The following ARHGAP6 variants were observed in gnomAD, a reference collection of about 807,000 sequenced individuals.
The protein encoded by ARHGAP6 is Rho GTPase activating protein 6.
ARHGAP6 carries 16 observed loss-of-function variants against 55.7 expected under a neutral mutation model. That is an observed-to-expected ratio of 0.29 (90% confidence interval 0.19 to 0.44). ARHGAP6 has a LOEUF of 0.44. Ranked by LOEUF, ARHGAP6 falls within the 20% of genes least tolerant of loss-of-function variation. The pLI is 1.00. For missense variants in ARHGAP6, 698 were observed against 808.9 expected (o/e 0.86, Z 1.66); for synonymous variants, 382 against 360.9 (o/e 1.06, Z -0.66).
At chrX:11,655,012 C>T (rs1164668527) in intron 1 of ARHGAP6, among the ~76,000 whole-genome samples, 1 of 111,475 alleles carries the variant, frequency 9.0e-6, no homozygotes, top group Non-Finnish European at 1.9e-5. Flanking sequence ...TTTTCATTAC[C>T]CTAAGAAGAA....
intron 1 of ARHGAP6, among the ~76,000 whole-genome samples, chrX:11,523,811 T>G (rs1247892927): frequency 9.0e-6 from 1 of 111,237 alleles, no homozygotes; most frequent in Non-Finnish European, 1.9e-5. Context: ...AAGGCAGATT[T>G]GGGTTCAATA....
intron 8 of ARHGAP6, among the ~76,000 whole-genome samples, chrX:11,174,973 G>A (rs182571020): frequency 1.7e-3 from 188 of 110,683 alleles, no homozygotes; most frequent in African/African-American, 5.9e-3. Flanking sequence ...TTACAGGCGT[G>A]AGCCACCGCG....
At chrX:11,530,903 T>C (rs2051041227) in intron 1 of ARHGAP6, among the ~76,000 whole-genome samples, 1 of 111,580 alleles carries the variant, frequency 9.0e-6, no homozygotes, top group Non-Finnish European at 1.9e-5. Context: ...CCAAGCCTTA[T>C]TAGACTGTCA....
intron 1 of ARHGAP6, among the ~76,000 whole-genome samples, chrX:11,521,188 T>C (rs2050921355): frequency 8.9e-6 from 1 of 112,385 alleles, no homozygotes; most frequent in South Asian, 3.7e-4. Flanking sequence ...CAATTTTGGC[T>C]TCTGTTGCCA....
At chrX:11,398,582 A>T (rs527755190) in intron 1 of ARHGAP6, among the ~76,000 whole-genome samples, 1 of 112,145 alleles carries the variant, frequency 8.9e-6, no homozygotes, top group East Asian at 2.8e-4. Context: ...CATGGCTGGC[A>T]TAGACATATT....
intron 1 of ARHGAP6, among the ~76,000 whole-genome samples, chrX:11,496,706 A>C (rs1055973836): frequency 2.7e-5 from 3 of 112,432 alleles, no homozygotes; most frequent in Admixed American, 9.5e-5. Context: ...TTAACCATAC[A>C]TCCATCACTG....
At position 11,429,284 on chromosome X, in the gene ARHGAP6, T is replaced by G. The variant is rs780749098; in HGVS notation, c.589-174577A>C. Reference sequence around the variant, plus strand: ...CAAATGTTTAAGTGCAATAGGCAAATGGAATCCATGGTAATAGGTGTCATA... The same window carrying G: ...CAAATGTTTAAGTGCAATAGGCAAAGGGAATCCATGGTAATAGGTGTCATA... On this transcript the variant is annotated intron_variant, in intron 1 of 12. Transcript: ENST00000337414. 1.4e-3 allele frequency among the ~76,000 whole-genome samples: 157 copies of G among 112,345 alleles called. 1 individual carries two copies. Among genetic ancestry groups the G allele is most frequent in the African/African-American group, 4.9e-3 (153 of 30,932 alleles).
Position 11,635,407 on chromosome X carries a change from T to C in ARHGAP6, c.588+28834A>G, listed in dbSNP as rs571039035. Among the ~76,000 whole-genome samples the C allele has an allele frequency of 4.8e-4, 54 of 112,295 alleles. No homozygotes were observed. In the South Asian group the frequency reaches 0.019, roughly 40 times the overall value. On this transcript the variant is annotated intron_variant, in intron 1 of 12. Transcript: ENST00000337414. The stretch of plus-strand genomic sequence containing the variant: ...TGTATTCTATGAGATTTTTTTAAAA[T>C]GAGCATATATTACTTTTATAATTAG...
chrX:11,482,751 A>G (rs1334578600), intron 1 of ARHGAP6, among the ~76,000 whole-genome samples: 1 of 109,354 alleles, frequency 9.1e-6, no homozygotes, highest in Non-Finnish European at 1.9e-5. Flanking sequence ...TTAGAGAACT[A>G]CCCACAGACT....
chrX:11,222,398 C>T (rs1351598182), intron 2 of ARHGAP6, among the ~76,000 whole-genome samples: 1 of 111,753 alleles, frequency 8.9e-6, no homozygotes. Flanking sequence ...AATACATCGA[C>T]CACTATAGAT....
chrX:11,388,398 GTTGT>G (rs1404553502), intron 1 of ARHGAP6, among the ~76,000 whole-genome samples: 10 of 112,006 alleles, frequency 8.9e-5, no homozygotes, highest in South Asian at 7.5e-4. Flanking sequence ...TGTTGATGGG[GTTGT>G]TTGTTTTTTT....
chrX:11,646,622 G>A (rs2052530634), intron 1 of ARHGAP6, among the ~76,000 whole-genome samples: 1 of 111,819 alleles, frequency 8.9e-6, no homozygotes, highest in South Asian at 3.7e-4. Flanking sequence ...AGAGTTTGAA[G>A]TGATGGTGGA....
intron 1 of ARHGAP6, among the ~76,000 whole-genome samples, chrX:11,301,114 C>T (rs1182950049): frequency 9.0e-6 from 1 of 111,586 alleles, no homozygotes; most frequent in Non-Finnish European, 1.9e-5. Flanking sequence ...CAAAATAGGA[C>T]ATGGAACACT....
chrX:11,503,343 C>T (rs1267013096), intron 1 of ARHGAP6, among the ~76,000 whole-genome samples: 1 of 111,984 alleles, frequency 8.9e-6, no homozygotes, highest in Admixed American at 9.5e-5. Context: ...AACTTCGCTT[C>T]TTCCATTGGG....
chrX:11,595,833 G>A lies in ARHGAP6; in HGVS notation c.588+68408C>T, dbSNP rs781762984. Among the ~76,000 whole-genome samples the A allele has an allele frequency of 1.6e-4, 18 of 112,038 alleles. No individual in the cohort carries two copies. The South Asian group carries it at 6.0e-3, about 37-fold the overall frequency. On this transcript the variant is annotated intron_variant, in intron 1 of 12. Coordinates refer to ENST00000337414, the MANE Select transcript of ARHGAP6 (RefSeq NM_013427.3). ...GACATATGAAAAAATGCTCATCATCGCTGGTCATTAGAGAAATGCAAATCA... is the reference window on the plus strand; with the variant it reads ...GACATATGAAAAAATGCTCATCATCACTGGTCATTAGAGAAATGCAAATCA...
intron 1 of ARHGAP6, among the ~76,000 whole-genome samples, chrX:11,599,578 G>A (rs2051945895): frequency 9.0e-6 from 1 of 111,731 alleles, no homozygotes; most frequent in African/African-American, 3.3e-5. Flanking sequence ...TAAAATAGTC[G>A]AACTCACAGA....
intron 1 of ARHGAP6, among the ~76,000 whole-genome samples, chrX:11,369,757 G>A (rs747605378): frequency 5.4e-5 from 6 of 111,891 alleles, no homozygotes; most frequent in East Asian, 2.8e-4. Context: ...TTCCTCCCCC[G>A]TTTTCTCTGC....
intron 2 of ARHGAP6, among the ~76,000 whole-genome samples, chrX:11,216,309 GGGTAAAGTGTTTAAGTCAGTTTT>G (rs2046882128): frequency 9.0e-6 from 1 of 111,596 alleles, no homozygotes; most frequent in Admixed American, 9.5e-5. Flanking sequence ...GGAAGACAAG[GGGTAAAGTGTTTAAGTCAGTTTT>G]GCCTGTCAGA....
At chrX:11,565,871 A>T (rs1344045361) in intron 1 of ARHGAP6, among the ~76,000 whole-genome samples, 1 of 111,954 alleles carries the variant, frequency 8.9e-6, no homozygotes, top group African/African-American at 3.3e-5. Context: ...TCAGGTACCA[A>T]CAGCAGATAA....
Sources: gnomAD v4.1 joint callset for allele counts (sites outside exome capture counted in the v4.1 genomes callset) on GRCh38, gnomAD v4.1.1 for gene constraint, MANE v1.5 for transcripts, NCBI Gene and HGNC (gene_info 2026-07-23, HGNC 2026-07-21) for gene names.